The following H2AZ2 variants were observed in gnomAD, a reference collection of about 807,000 sequenced individuals.
H2AZ2 encodes histone H2A.V.
In H2AZ2, 5 loss-of-function variants were observed where a neutral mutation model predicts 15.5. The observed-to-expected ratio is 0.32, with a 90% CI of 0.17 to 0.68. The LOEUF is 0.68. H2AZ2 is among the 30% of genes least tolerant of loss of function. The pLI is 0.72. For missense variants in H2AZ2, 42 were observed against 162.5 expected, an observed-to-expected ratio of 0.26 and a Z score of 4.03; for synonymous variants, 44 against 57.4, an observed-to-expected ratio of 0.77 and a Z score of 1.05.
At chr7:44,843,798 T>A (rs1583720813) in intron 1 of H2AZ2, among the ~76,000 whole-genome samples, 1 of 152,164 alleles carries the variant, frequency 6.6e-6, no homozygotes, top group Admixed American at 6.6e-5. Context: ...CCTCAAGTGA[T>A]CCGCCCGCCT....
intron 4 of H2AZ2, 75 bp downstream of exon 4, chr7:44,835,454 T>G: frequency 1.6e-6 from 2 of 1,242,582 alleles, no homozygotes; most frequent in Non-Finnish European, 2.3e-6. Context: ...CGATCAAATA[T>G]ACTATATCAT....
intron 4 of H2AZ2, chr7:44,835,183 G>A (rs1219266909): frequency 1.4e-5 from 4 of 289,548 alleles, no homozygotes; most frequent in Non-Finnish European, 2.5e-5. Flanking sequence ...CACTTTTCAA[G>A]TGTATTTATT....
intron 3 of H2AZ2, among the ~76,000 whole-genome samples, chr7:44,839,254 A>T (rs1342240494): frequency 6.6e-6 from 1 of 152,236 alleles, no homozygotes; most frequent in Non-Finnish European, 1.5e-5. Context: ...TCTACTGATT[A>T]CATACATACT....
intron 2 of H2AZ2, among the ~76,000 whole-genome samples, chr7:44,842,266 C>T (rs1793292453): frequency 1.3e-5 from 2 of 152,172 alleles, no homozygotes; most frequent in South Asian, 4.1e-4. Context: ...GGTCCACCAA[C>T]GTCCCTGTGC....
In H2AZ2 at chr7:44,843,137, C is replaced by CAAAAAAAAAAAAAAAAAAAAA. The variant is rs55941046; in HGVS notation, c.81+119_81+139dup. The CAAAAAAAAAAAAAAAAAAAAA allele has an allele frequency of 4.8e-5, 4 of 84,038 alleles. 1 individual carries two copies. The highest frequency in any genetic ancestry group is 7.8e-5 in the Non-Finnish European group (4 of 51,044). 5.2% of individuals were successfully genotyped at this position (84,038 alleles called of 1,614,324 possible). A position where few individuals can be genotyped will look rare whatever the true frequency, so the allele number is the denominator to read the frequency against. On this transcript the variant is annotated intron_variant, in intron 2 of 4. Coordinates refer to ENST00000308153, the MANE Select transcript of H2AZ2 (RefSeq NM_012412.5). ...CTGACGACAGAGTGAGACTCTGTCT[C>CAAAAAAAAAAAAAAAAAAAAA]AAAAAAAAAAAAAAAAAAAAAAAAA...
chr7:44,828,526 G>C (rs1386048876), downstream of H2AZ2: 1 of 152,208 alleles, frequency 6.6e-6, no homozygotes, highest in Admixed American at 6.6e-5. Context: ...TGAAGACAGA[G>C]GCTTAAAGCA....
intron 1 of H2AZ2, among the ~76,000 whole-genome samples, chr7:44,846,052 C>CAG (rs1471152840): frequency 5.1e-5 from 5 of 98,142 alleles, no homozygotes; most frequent in Non-Finnish European, 1.3e-4. Context: ...CACACACACA[C>CAG]ACACACACAC....
At chr7:44,831,605 A>G (rs1342739398), downstream of H2AZ2, among the ~76,000 whole-genome samples, 1 of 151,814 alleles carries the variant, frequency 6.6e-6, no homozygotes, top group Non-Finnish European at 1.5e-5. Context: ...CTCTCAATAC[A>G]GAAACTTCAA....
intron 4 of H2AZ2, chr7:44,834,784 CTT>C (rs35455193): frequency 0.02 from 3,189 of 158,748 alleles, no homozygotes; most frequent in South Asian, 0.044. Flanking sequence ...GTAACCATAG[CTT>C]TTTTTTTTTT....
chr7:44,834,276 A>G lies in H2AZ2; in HGVS notation c.*225T>C. 1 of 1,268,598 alleles carries G rather than the reference A, an allele frequency of 7.9e-7. No individual in the cohort carries two copies. Among genetic ancestry groups the G allele is most frequent in the Non-Finnish European group, 1.0e-6 (1 of 1,005,018 alleles). 78.6% of individuals were successfully genotyped at this position (1,268,598 alleles called of 1,614,324 possible). On this transcript the variant is annotated 3_prime_UTR_variant, in exon 5 of 5. Transcript: ENST00000308153. ...TCAATTCCATTTTTGTATAAAACAC[A>G]CGGGAGAAACCTAGCCAATCAACAC... is the stretch of plus-strand genomic sequence containing the variant.
intron 3 of H2AZ2, among the ~76,000 whole-genome samples, chr7:44,836,494 G>C (rs996800728): frequency 6.6e-6 from 1 of 151,728 alleles, no homozygotes; most frequent in Non-Finnish European, 1.5e-5. Flanking sequence ...CTGGGCCATC[G>C]CACTCAGCCT....
At chr7:44,827,874 G>A (rs1010694556), downstream of H2AZ2, 1 of 152,138 alleles carries the variant, frequency 6.6e-6, no homozygotes, top group Non-Finnish European at 1.5e-5. Flanking sequence ...ATCTTTGGCA[G>A]GCGAAACGTT....
chr7:44,847,849 G>T, intron 1 of H2AZ2, 120 bp downstream of exon 1: 3 of 1,370,796 alleles, frequency 2.2e-6, no homozygotes, highest in Non-Finnish European at 1.9e-6. Flanking sequence ...CGAGGGGCTC[G>T]GCCGGACGAA....
chr7:44,836,944 C>A (rs968695076), intron 3 of H2AZ2, among the ~76,000 whole-genome samples: 2 of 151,368 alleles, frequency 1.3e-5, no homozygotes, highest in South Asian at 4.2e-4. Flanking sequence ...TGCAGTGAGC[C>A]GAGATGGCGC....
chr7:44,843,124 T>A (rs188056740), intron 2 of H2AZ2, among the ~76,000 whole-genome samples, 153 bp downstream of exon 2: 20 of 86,372 alleles, frequency 2.3e-4, no homozygotes, highest in South Asian at 2.2e-3. Context: ...GACGACAGAG[T>A]GAGACTCTGT....
At chr7:44,846,066 G>C (rs71537748) in intron 1 of H2AZ2, among the ~76,000 whole-genome samples, 6,203 of 63,964 alleles carry the variant, frequency 0.097, 187 homozygotes, top group Middle Eastern at 0.2. Flanking sequence ...CACACACAGA[G>C]AGAGACAGAG....
chr7:44,834,481 G>C lies in H2AZ2; in HGVS notation c.*20C>G. The C allele has an allele frequency of 6.2e-7, 1 of 1,606,476 alleles. No homozygotes were observed. The highest frequency in any genetic ancestry group is 8.5e-7 in the Non-Finnish European group (1 of 1,176,638). ...TACAGTACAATGACGGGGAGGAAGAGGGTTGGTTAAAGCATCCCTCTAAGC... is the reference window on the plus strand; with the variant it reads ...TACAGTACAATGACGGGGAGGAAGACGGTTGGTTAAAGCATCCCTCTAAGC... On this transcript the variant is annotated 3_prime_UTR_variant, in exon 5 of 5. Coordinates refer to ENST00000308153, the MANE Select transcript of H2AZ2 (RefSeq NM_012412.5).
rs141493834 is a variant in H2AZ2, at chr7:44,843,746, G to A, written c.4-392C>T. The stretch of plus-strand genomic sequence containing the variant: ...GCTAATTTTTGTATTTTTAGTAGAG[G>A]TGGGTTTCACTATGTTGGCCAAGCT... On this transcript the variant is annotated intron_variant, in intron 1 of 4. Transcript: ENST00000308153. 3.4e-3 allele frequency among the ~76,000 whole-genome samples: 514 copies of A among 152,078 alleles called. 4 individuals are homozygous for A. Among genetic ancestry groups the A allele is most frequent in the African/African-American group, 0.012 (501 of 41,486 alleles).
chr7:44,836,397 C>A (rs1793123915), intron 3 of H2AZ2, among the ~76,000 whole-genome samples: 1 of 152,114 alleles, frequency 6.6e-6, no homozygotes, highest in Non-Finnish European at 1.5e-5. Context: ...GATGGGACAT[C>A]ATTATGTTGC....
Sources: gnomAD v4.1 joint callset for allele counts (sites outside exome capture counted in the v4.1 genomes callset) on GRCh38, gnomAD v4.1.1 for gene constraint, MANE v1.5 for transcripts, NCBI Gene and HGNC (gene_info 2026-07-23, HGNC 2026-07-21) for gene names.